Variants in UNC79 observed in about 807,000 individuals in gnomAD.
The protein encoded by UNC79 is protein unc-79 homolog.
Under a neutral mutation model 283.1 loss-of-function variants are expected in UNC79, and 37 were observed. The ratio of observed to expected loss-of-function variants is 0.13; its 90% confidence interval spans 0.10 to 0.17. The LOEUF is 0.17. Among genes scored for constraint, UNC79 ranks in the 10% least tolerant of loss-of-function variants. UNC79 has a pLI of 1.00. For synonymous variants in UNC79, 1,107 were observed against 1,200.2 expected (o/e 0.92, Z 1.61); for missense variants, 2,272 against 3,211.1 (o/e 0.71, Z 7.07).
chr14:93,673,529 G>C (rs2073069625), intron 41 of UNC79, 74 bp downstream of exon 44: 1 of 1,201,764 alleles, frequency 8.3e-7, no homozygotes, highest in African/African-American at 1.5e-5. Context: ...GAGGTGTAGA[G>C]TGTATGCATA....
rs1566998707 is a variant in UNC79 at position 93,493,903 on chromosome 14, T to TATA, written c.713-2508_713-2507insATA. 6.8e-4 allele frequency among the ~76,000 whole-genome samples: 61 copies of TATA among 89,620 alleles called. No individual in the cohort carries two copies. The East Asian group carries it at 0.024, about 35-fold the overall frequency. The allele number at this position is 89,620 out of a possible 152,430, so 58.8% of individuals were successfully genotyped here. ...TATATATATATATATATATATATAT[T>TATA]TTTTTTTTTTTTTTTTTGAGATAGA... On this transcript the variant is annotated intron_variant, in intron 5 of 48. Coordinates refer to ENST00000555664, the Ensembl canonical transcript of UNC79.
At chr14:93,460,459 A>G (rs10140069) in intron 1 of UNC79, among the ~76,000 whole-genome samples, 103,563 of 147,976 alleles carry the variant, frequency 0.7, 36,711 homozygotes, top group Middle Eastern at 0.78. Context: ...GCAGTGAGCC[A>G]AGATCGTGCC....
intron 11 of UNC79, among the ~76,000 whole-genome samples, chr14:93,532,923 T>C (rs771469545): frequency 2.4e-4 from 37 of 152,322 alleles, no homozygotes; most frequent in Non-Finnish European, 4.4e-4. Flanking sequence ...TCTTGTATGC[T>C]AGAAATCTCA....
At chr14:93,566,785 A>G (rs925962947) in intron 14 of UNC79, among the ~76,000 whole-genome samples, 3 of 151,538 alleles carry the variant, frequency 2.0e-5, no homozygotes, top group Admixed American at 1.3e-4. Flanking sequence ...CTACAGGCAC[A>G]CACCACCATG....
chr14:93,457,827 A>G (rs192073573), intron 1 of UNC79, among the ~76,000 whole-genome samples: 1 of 152,334 alleles, frequency 6.6e-6, no homozygotes, highest in Admixed American at 6.5e-5. Flanking sequence ...TGGCTGGAGA[A>G]GAGGGTAGAC....
At chr14:93,371,796 C>A (rs1187124264) in intron 1 of UNC79, among the ~76,000 whole-genome samples, 1 of 151,598 alleles carries the variant, frequency 6.6e-6, no homozygotes, top group Non-Finnish European at 1.5e-5. Context: ...AGCCCAGATG[C>A]ACAACTGCAC....
intron 4 of UNC79, among the ~76,000 whole-genome samples, chr14:93,484,708 A>C (rs2058325142): frequency 6.6e-6 from 1 of 152,218 alleles, no homozygotes; most frequent in Non-Finnish European, 1.5e-5. Flanking sequence ...GACAAGCTGC[A>C]CATCTGTTTA....
At chr14:93,428,833 A>C (rs1345233859), upstream of UNC79, among the ~76,000 whole-genome samples, 1 of 152,162 alleles carries the variant, frequency 6.6e-6, no homozygotes, top group East Asian at 1.9e-4. Context: ...GGAGAAGTTA[A>C]GTAACTTGCA....
chr14:93,546,193 C>G (rs968909055), intron 14 of UNC79, among the ~76,000 whole-genome samples: 1 of 152,210 alleles, frequency 6.6e-6, no homozygotes, highest in African/African-American at 2.4e-5. Context: ...TATGTCTACA[C>G]CTTAGCTGAA....
rs79027445 is a variant in UNC79, at chr14:93,469,452, C to T, written c.143+1661C>T. On this transcript the variant is annotated intron_variant, in intron 2 of 48. Coordinates refer to ENST00000555664, the Ensembl canonical transcript of UNC79. Reference sequence around the variant, plus strand: ...TGTTGATATGTACATCTATAACAATCGTATTTGTACTTCTTCATTTTATTT... The same window carrying T: ...TGTTGATATGTACATCTATAACAATTGTATTTGTACTTCTTCATTTTATTT... Among the ~76,000 whole-genome samples the T allele has an allele frequency of 4.0e-3, 613 of 152,178 alleles. 1 individual carries two copies. The highest frequency in any genetic ancestry group is 0.014 in the African/African-American group (588 of 41,508).
intron 19 of UNC79, among the ~76,000 whole-genome samples, chr14:93,581,908 A>T (rs1170897086): frequency 6.6e-6 from 1 of 152,224 alleles, no homozygotes; most frequent in Non-Finnish European, 1.5e-5. Flanking sequence ...CTGATCTTGG[A>T]GACTAATGCA....
At chr14:93,581,713 C>T (rs1403813718) in intron 19 of UNC79, among the ~76,000 whole-genome samples, 2 of 151,782 alleles carry the variant, frequency 1.3e-5, no homozygotes, top group East Asian at 1.9e-4. Context: ...AGGCTGGTCT[C>T]GAATTCCCGA....
rs764346702 is a variant in UNC79 at position 93,603,215 on chromosome 14, G to A, written c.3575-24G>A. On this transcript the variant is annotated intron_variant, in intron 25 of 48. Transcript: ENST00000555664. ...AAGCCCTGTGTAAAGGAGAGTGATAGTCTCTTTAATTCCTTTTGCAAAGCC... is the reference window on the plus strand; with the variant it reads ...AAGCCCTGTGTAAAGGAGAGTGATAATCTCTTTAATTCCTTTTGCAAAGCC... The A allele has an allele frequency of 1.3e-4, 203 of 1,612,380 alleles. 2 individuals carry two copies. The South Asian group carries it at 2.0e-3, about 16-fold the overall frequency.
chr14:93,647,694 G>A (rs2069771890), intron 35 of UNC79, among the ~76,000 whole-genome samples: 1 of 152,168 alleles, frequency 6.6e-6, no homozygotes, highest in African/African-American at 2.4e-5. Context: ...TAAGGATGCA[G>A]CAGGGAGTCA....
At chr14:93,707,052 G>A, downstream of UNC79, 1 of 939,222 alleles carries the variant, frequency 1.1e-6, no homozygotes, top group Admixed American at 2.9e-5. Context: ...GCCAGAGAGG[G>A]CCGAAAATGA....
At chr14:93,387,560 T>C (rs1326539064) in intron 1 of UNC79, among the ~76,000 whole-genome samples, 2 of 152,202 alleles carry the variant, frequency 1.3e-5, no homozygotes, top group Non-Finnish European at 2.9e-5. Flanking sequence ...GAAGTTCCTC[T>C]CGTTATTCAT....
chr14:93,441,516 G>A (rs991222065), intron 1 of UNC79, among the ~76,000 whole-genome samples: 2 of 151,678 alleles, frequency 1.3e-5, no homozygotes, highest in Non-Finnish European at 2.9e-5. Context: ...TTATGCAGTG[G>A]GTTTTATTTG....
rs1033423950 is a variant in UNC79, at chr14:93,651,962, A to G, written c.6084-1780A>G. Among the ~76,000 whole-genome samples the G allele has an allele frequency of 1.2e-4, 9 of 73,606 alleles. No homozygotes were observed. The East Asian group carries it at 3.4e-3, about 28-fold the overall frequency. 48.3% of individuals were successfully genotyped at this position (73,606 alleles called of 152,430 possible). On this transcript the variant is annotated intron_variant, in intron 35 of 48. Coordinates refer to ENST00000555664, the Ensembl canonical transcript of UNC79. ...TTTTACTAGAGGCCATGGTTTCTCT[A>G]TGTTGGTCAGGCTGGTCTGGAACTC...
At chr14:93,339,977 T>C (rs1490930811) in intron 1 of UNC79, among the ~76,000 whole-genome samples, 1 of 152,216 alleles carries the variant, frequency 6.6e-6, no homozygotes, top group Non-Finnish European at 1.5e-5. Context: ...GGTTACTCTA[T>C]TAGCTCATGG....
Sources: allele counts gnomAD v4.1 joint callset (sites outside exome capture counted in the v4.1 genomes callset), GRCh38; gene constraint gnomAD v4.1.1; transcripts MANE v1.5; gene names NCBI Gene and HGNC (gene_info 2026-07-23, HGNC 2026-07-21).